The following RARB variants were observed in gnomAD, a reference collection of about 807,000 sequenced individuals.
RARB encodes the protein HBV-activated protein.
Under a neutral mutation model 51.9 loss-of-function variants are expected in RARB, and 17 were observed. The ratio of observed to expected loss-of-function variants is 0.33; its 90% CI spans 0.22 to 0.49. The LOEUF is 0.49. Among genes scored for constraint, RARB ranks in the 20% least tolerant of loss-of-function variants. The probability of loss-of-function intolerance (pLI) is 0.99; values close to 1 mark genes in which losing one functional copy is unlikely to be tolerated. For missense variants in RARB, 369 were observed against 550.8 expected, an observed-to-expected ratio of 0.67 and a Z score of 3.30; for synonymous variants, 215 against 195.4, an observed-to-expected ratio of 1.10 and a Z score of -0.84.
chr3:25,494,221 A>C (rs79651109), intron 2 of RARB, among the ~76,000 whole-genome samples: 8,359 of 121,570 alleles, frequency 0.069, 288 homozygotes, highest in Non-Finnish European at 0.095. Context: ...CCCCAGTTTA[A>C]ACATTAGCCC....
chr3:24,978,714 AT>A (rs551997715), intron 2 of RARB, among the ~76,000 whole-genome samples: 124 of 146,120 alleles, frequency 8.5e-4, no homozygotes, highest in East Asian at 1.4e-3. Context: ...TCCTGGATTG[AT>A]TTTTTTTTTT....
chr3:25,151,162 G>T (rs775305665), intron 4 of RARB, among the ~76,000 whole-genome samples: 3 of 152,188 alleles, frequency 2.0e-5, no homozygotes, highest in Non-Finnish European at 4.4e-5. Flanking sequence ...GACACTAAAT[G>T]CAGGTGCCGC....
chr3:25,087,578 A>G (rs1282200603), intron 3 of RARB, among the ~76,000 whole-genome samples: 4 of 152,160 alleles, frequency 2.6e-5, no homozygotes, highest in African/African-American at 9.7e-5. Flanking sequence ...AGGTTCGTTC[A>G]GAAGAATAAA....
chr3:24,922,469 C>G (rs1285674120), intron 2 of RARB, among the ~76,000 whole-genome samples: 1 of 152,022 alleles, frequency 6.6e-6, no homozygotes, highest in Non-Finnish European at 1.5e-5. Context: ...AGTCGTAGGC[C>G]GTAGGTATTT....
chr3:25,439,367 T>C (rs1412145260), intron 1 of RARB, among the ~76,000 whole-genome samples: 1 of 152,238 alleles, frequency 6.6e-6, no homozygotes, highest in Non-Finnish European at 1.5e-5. Flanking sequence ...CTAATTGGCC[T>C]CTCAGATAAT....
chr3:24,830,103 C>G (rs1016509304), intron 1 of RARB, among the ~76,000 whole-genome samples: 9 of 152,084 alleles, frequency 5.9e-5, no homozygotes, highest in African/African-American at 1.7e-4. Flanking sequence ...GGCCAGGGAC[C>G]GAGCCCTGGA....
At chr3:25,272,428 A>G (rs967398469) in intron 5 of RARB, among the ~76,000 whole-genome samples, 11 of 152,198 alleles carry the variant, frequency 7.2e-5, no homozygotes, top group African/African-American at 2.7e-4. Flanking sequence ...CCTCTATAAC[A>G]GAGGCCTCTG....
At chr3:25,131,844 A>G (rs1429400168) in intron 3 of RARB, among the ~76,000 whole-genome samples, 2 of 151,832 alleles carry the variant, frequency 1.3e-5, no homozygotes, top group Non-Finnish European at 2.9e-5. Context: ...TACCAAGCTG[A>G]GAAGTTTTTC....
At chr3:25,298,930 A>G (rs923156046) in intron 5 of RARB, among the ~76,000 whole-genome samples, 1 of 152,162 alleles carries the variant, frequency 6.6e-6, no homozygotes, top group Admixed American at 6.5e-5. Flanking sequence ...TGAAATACCC[A>G]TATTAAGACT....
chr3:25,059,833 G>A (rs571040893), intron 2 of RARB, among the ~76,000 whole-genome samples: 15 of 151,788 alleles, frequency 9.9e-5, no homozygotes, highest in South Asian at 2.1e-4. Context: ...GATGAGAAAT[G>A]TAGTCTTAGG....
At chr3:25,512,198 T>C (rs993077354) in intron 3 of RARB, among the ~76,000 whole-genome samples, 6 of 152,244 alleles carry the variant, frequency 3.9e-5, no homozygotes, top group Admixed American at 3.3e-4. Flanking sequence ...GTTATGATAC[T>C]GAGCCATCCT....
chr3:25,030,255 T>G (rs1697842943), intron 2 of RARB, among the ~76,000 whole-genome samples: 1 of 152,256 alleles, frequency 6.6e-6, no homozygotes, highest in African/African-American at 2.4e-5. Context: ...CCCTTACACA[T>G]GTTAAAGCCA....
intron 3 of RARB, among the ~76,000 whole-genome samples, chr3:25,078,484 A>G (rs998420650): frequency 4.0e-5 from 6 of 151,322 alleles, no homozygotes; most frequent in Non-Finnish European, 7.4e-5. Flanking sequence ...ACAATGCTGC[A>G]ATGACTTGGT....
chr3:25,219,886 A>G (rs563678845), intron 5 of RARB, among the ~76,000 whole-genome samples: 4 of 152,342 alleles, frequency 2.6e-5, no homozygotes, highest in Non-Finnish European at 5.9e-5. Context: ...AGGAAAAAAT[A>G]ATCTAAGAGC....
At chr3:25,539,314 C>G (rs984604042) in intron 3 of RARB, among the ~76,000 whole-genome samples, 16 of 152,206 alleles carry the variant, frequency 1.1e-4, no homozygotes, top group Non-Finnish European at 2.2e-4. Flanking sequence ...AAGTCCCCAC[C>G]TCTACCTATT....
At chr3:25,361,150 C>T (rs945182152) in intron 5 of RARB, among the ~76,000 whole-genome samples, 4 of 152,184 alleles carry the variant, frequency 2.6e-5, no homozygotes, top group African/African-American at 9.7e-5. Context: ...CACATAGTCC[C>T]ATATTTCTTG....
chr3:25,418,462 T>C (rs1176380456), intron 5 of RARB, among the ~76,000 whole-genome samples: 15 of 152,072 alleles, frequency 9.9e-5, no homozygotes, highest in Non-Finnish European at 1.3e-4. Flanking sequence ...ATGAAAAGAA[T>C]AAATGAGACT....
chr3:25,012,654 T>C (rs1697423602), intron 2 of RARB, among the ~76,000 whole-genome samples: 1 of 152,166 alleles, frequency 6.6e-6, no homozygotes, highest in Non-Finnish European at 1.5e-5. Context: ...AGCACCTAAA[T>C]GTTGTTTGAG....
chr3:25,027,825 G>T (rs1328088176), intron 2 of RARB, among the ~76,000 whole-genome samples: 1 of 152,134 alleles, frequency 6.6e-6, no homozygotes, highest in Non-Finnish European at 1.5e-5. Flanking sequence ...CACTTCAGTA[G>T]TAAGGCTCAG....
Sources: gnomAD v4.1 joint callset for allele counts (sites outside exome capture counted in the v4.1 genomes callset) on GRCh38, gnomAD v4.1.1 for gene constraint, MANE v1.5 for transcripts, NCBI Gene and HGNC (gene_info 2026-07-23, HGNC 2026-07-21) for gene names.